TTC7A: variants seen among roughly 807,000 people sequenced by gnomAD.
TTC7A encodes the protein tetratricopeptide repeat domain 7A.
TTC7A carries 110 observed loss-of-function variants against 103.7 expected under a neutral mutation model. The observed-to-expected ratio is 1.06, with a 90% CI of 0.91 to 1.24. The LOEUF (loss-of-function observed/expected upper bound fraction) is 1.24, where lower values mean the gene tolerates loss of function less well. Ranked by LOEUF, TTC7A falls within the 50% of genes most tolerant of loss-of-function variation. The pLI, the probability that TTC7A is intolerant of heterozygous loss-of-function variation, is 0.00. For synonymous variants in TTC7A, 521 were observed against 467.9 expected (o/e 1.11, Z -1.47); for missense variants, 1,340 against 1,116.3 (o/e 1.20, Z -2.86).
intron 17 of TTC7A, chr2:47,050,682 A>G (rs958332660): frequency 1.3e-5 from 2 of 152,532 alleles, no homozygotes; most frequent in African/African-American, 4.8e-5. Flanking sequence ...TTTGTTGTCA[A>G]ATGACAGAGT....
intron 15 of TTC7A, among the ~76,000 whole-genome samples, chr2:47,041,973 G>C (rs1235302282): frequency 6.6e-6 from 1 of 152,118 alleles, no homozygotes; most frequent in Non-Finnish European, 1.5e-5. Context: ...CACCAAGTAT[G>C]AGATTCGAAG....
intron 11 of TTC7A, among the ~76,000 whole-genome samples, chr2:47,016,931 G>A (rs1678719468): frequency 6.6e-6 from 1 of 152,110 alleles, no homozygotes; most frequent in Admixed American, 6.5e-5. Flanking sequence ...GGGCAAGGTG[G>A]CTCACACCTG....
intron 8 of TTC7A, among the ~76,000 whole-genome samples, chr2:46,998,812 A>T (rs980463752): frequency 6.6e-6 from 1 of 152,038 alleles, no homozygotes; most frequent in African/African-American, 2.4e-5. Context: ...GCTACCTTGG[A>T]TATGGTTTTT....
Position 46,941,401 on chromosome 2 carries a change from C to T in TTC7A, c.-141C>T, listed in dbSNP as rs936271043. 6 of 717,014 alleles carry T rather than the reference C, an allele frequency of 8.4e-6. No individual in the cohort carries two copies. The highest frequency in any genetic ancestry group is 1.2e-4 in the South Asian group (2 of 16,448). 44.4% of individuals were successfully genotyped at this position (717,014 alleles called of 1,614,324 possible). A position where few individuals can be genotyped will look rare whatever the true frequency, so the allele number is the denominator to read the frequency against. ...CTGCTGCTGCCCACCCTCCGCCGCC[C>T]GGGCCCCCGCTGCCGCCCGGGCCCC... On this transcript the variant is annotated 5_prime_UTR_variant, in exon 1 of 20. Coordinates refer to ENST00000319190, the MANE Select transcript of TTC7A (RefSeq NM_020458.4). The surrounding 1 kb of genome is among the most constrained non-coding windows in gnomAD (Gnocchi z 4.2).
chr2:46,959,878 G>C (rs1020764719), intron 3 of TTC7A, among the ~76,000 whole-genome samples: 28 of 152,176 alleles, frequency 1.8e-4, no homozygotes, highest in African/African-American at 6.5e-4. Flanking sequence ...TATAAGGTGT[G>C]GGGGAGTACA....
intron 6 of TTC7A, 35 bp from the exon 7 acceptor site, chr2:46,994,322 C>T: frequency 6.3e-7 from 1 of 1,595,906 alleles, no homozygotes; most frequent in Non-Finnish European, 8.5e-7. Flanking sequence ...GAGCTGACAA[C>T]TGTGCCTGGG....
chr2:46,964,284 G>A (rs180714161), intron 3 of TTC7A, among the ~76,000 whole-genome samples: 283 of 152,292 alleles, frequency 1.9e-3, no homozygotes, highest in African/African-American at 6.2e-3. Context: ...GGGAAGCCCC[G>A]GGGGAAACAA....
chr2:47,070,232 C>T (rs1415117299), intron 19 of TTC7A, among the ~76,000 whole-genome samples: 1 of 152,256 alleles, frequency 6.6e-6, no homozygotes, highest in Non-Finnish European at 1.5e-5. Flanking sequence ...CCCCTGGCCA[C>T]ACACTGTGCC....
chr2:47,006,980 G>A (rs531922391), intron 10 of TTC7A, among the ~76,000 whole-genome samples: 52 of 152,280 alleles, frequency 3.4e-4, no homozygotes, highest in African/African-American at 1.2e-3. Flanking sequence ...TACATGCATG[G>A]GAGCACTGTA....
chr2:47,001,453 G>A (rs1676793658), intron 8 of TTC7A, among the ~76,000 whole-genome samples: 1 of 152,138 alleles, frequency 6.6e-6, no homozygotes, highest in Non-Finnish European at 1.5e-5. Context: ...TCATCTTCTG[G>A]GGCTCAGTGT....
At chr2:46,930,724 T>C (rs916188135) in intron 2 of TTC7A, among the ~76,000 whole-genome samples, 9 of 152,074 alleles carry the variant, frequency 5.9e-5, no homozygotes, top group African/African-American at 2.2e-4. Context: ...GGTCTCGAAC[T>C]CCTGACCTCA....
chr2:47,054,119 A>G, intron 18 of TTC7A: 7 of 985,472 alleles, frequency 7.1e-6, no homozygotes, highest in African/African-American at 1.7e-5. Context: ...AACTCCGAGA[A>G]CAGCATCTGA....
At chr2:46,997,515 AC>A (rs1676333193) in intron 8 of TTC7A, among the ~76,000 whole-genome samples, 1 of 152,188 alleles carries the variant, frequency 6.6e-6, no homozygotes, top group African/African-American at 2.4e-5. Flanking sequence ...TTCCCATCTT[AC>A]AGATGACAAA....
At chr2:47,054,205 C>T (rs1474369334) in intron 18 of TTC7A, 1 of 980,706 alleles carries the variant, frequency 1.0e-6, no homozygotes, top group Non-Finnish European at 1.2e-6. Context: ...TGTAGCAGAT[C>T]CAAAATAGCA....
intron 19 of TTC7A, among the ~76,000 whole-genome samples, chr2:47,065,516 G>T (rs964607658): frequency 6.6e-6 from 1 of 152,196 alleles, no homozygotes; most frequent in Non-Finnish European, 1.5e-5. Context: ...AGGTTCTAAC[G>T]TTGTCTTCTG....
At chr2:46,951,287 G>A (rs573109700) in intron 2 of TTC7A, among the ~76,000 whole-genome samples, 1 of 152,016 alleles carries the variant, frequency 6.6e-6, no homozygotes, top group Non-Finnish European at 1.5e-5. Flanking sequence ...CATCATTGGG[G>A]AGCTGGTTAG....
At chr2:47,040,556 A>G (rs979688226) in intron 15 of TTC7A, 3 of 152,270 alleles carry the variant, frequency 2.0e-5, no homozygotes, top group African/African-American at 7.2e-5. Flanking sequence ...TCTTCCTGTC[A>G]TAAGCCTGTC....
chr2:47,033,402 C>T (rs1359715452), intron 15 of TTC7A, among the ~76,000 whole-genome samples: 2 of 152,246 alleles, frequency 1.3e-5, no homozygotes, highest in Non-Finnish European at 2.9e-5. Flanking sequence ...AGGCCATCTG[C>T]ATGGGATCCC....
At chr2:46,921,925 G>C (rs1669125943) in intron 2 of TTC7A, among the ~76,000 whole-genome samples, 1 of 152,204 alleles carries the variant, frequency 6.6e-6, no homozygotes, top group African/African-American at 2.4e-5. Context: ...CCCACCCAGT[G>C]CTCACTTCCT....
Sources: gnomAD v4.1 joint callset for allele counts (sites outside exome capture counted in the v4.1 genomes callset) on GRCh38, gnomAD v4.1.1 for gene constraint, Gnocchi (gnomAD v3.1) non-coding constraint, MANE v1.5 for transcripts, NCBI Gene and HGNC (gene_info 2026-07-23, HGNC 2026-07-21) for gene names.